The following AP4E1 variants were observed in gnomAD, a reference collection of about 807,000 sequenced individuals.
AP4E1 encodes the protein AP-4 complex subunit epsilon-1.
In AP4E1, 56 loss-of-function variants were observed where a neutral mutation model predicts 128.2. The ratio of observed to expected loss-of-function variants is 0.44; its 90% CI spans 0.35 to 0.55. The LOEUF is 0.55. Ranked by LOEUF, AP4E1 falls within the 20% of genes least tolerant of loss-of-function variation. The pLI is 0.00. For synonymous variants in AP4E1, 484 were observed against 473.1 expected, an observed-to-expected ratio of 1.02 and a Z score of -0.30; for missense variants, 1,324 against 1,307.7, an observed-to-expected ratio of 1.01 and a Z score of -0.19.
intron 15 of AP4E1, among the ~76,000 whole-genome samples, chr15:50,982,177 CA>C (rs1567253999): frequency 6.6e-6 from 1 of 150,824 alleles, no homozygotes; most frequent in East Asian, 2.0e-4. Context: ...TGGGATGATG[CA>C]GCATGAAGGC....
chr15:50,977,432 A>G (rs10744956), intron 15 of AP4E1, among the ~76,000 whole-genome samples: 120,827 of 152,058 alleles, frequency 0.79, 48,091 homozygotes, highest in African/African-American at 0.86. Flanking sequence ...ATGGGATTAA[A>G]CGCTCAAACT....
At chr15:51,002,461 C>T (rs1258148660) in intron 20 of AP4E1, 41 bp from the exon 21 acceptor site, 1 of 1,605,190 alleles carries the variant, frequency 6.2e-7, no homozygotes, top group South Asian at 1.1e-5. Context: ...CTGTTTAACT[C>T]CTTTTGCATT....
intron 7 of AP4E1, among the ~76,000 whole-genome samples, chr15:50,931,894 A>G (rs565982575): frequency 2.1e-3 from 313 of 151,948 alleles, no homozygotes; most frequent in Admixed American, 3.8e-3. Flanking sequence ...TTTTTAATTC[A>G]TTTATCTGAA....
intron 15 of AP4E1, among the ~76,000 whole-genome samples, chr15:50,978,717 T>G (rs1397824322): frequency 1.3e-5 from 2 of 152,222 alleles, no homozygotes; most frequent in Admixed American, 1.3e-4. Flanking sequence ...ATTCTGCATA[T>G]TCACTGAGTT....
intron 6 of AP4E1, among the ~76,000 whole-genome samples, chr15:50,929,561 T>C (rs1465741558): frequency 1.3e-5 from 2 of 152,152 alleles, no homozygotes; most frequent in South Asian, 2.1e-4. Context: ...ATTGACTCCA[T>C]GTATTAATTC....
At position 50,984,093 on chromosome 15, in the gene AP4E1, A is replaced by G. The variant is rs768367461; in HGVS notation, c.2038A>G (p.Ile680Val). Reference sequence around the variant, plus strand: ...CACTGGACGACAGTCTCCTGCTGGCATTTCTCTTGGTTCAGATGTATCTGG... The same window carrying G: ...CACTGGACGACAGTCTCCTGCTGGCGTTTCTCTTGGTTCAGATGTATCTGG... ...GFTGRQSPAG[I>V]SLGSDVSGNS... The change falls in exon 16 of 21, where the codon ATT becomes GTT. Residue 680 changes from isoleucine (I) to valine (V), a missense_variant. Ile to Val is a conservative substitution (Grantham distance 29). Coordinates refer to ENST00000261842, the MANE Select transcript of AP4E1 (RefSeq NM_007347.5). 17 of 1,613,500 alleles carry G rather than the reference A, an allele frequency of 1.1e-5. No homozygotes were observed. Among genetic ancestry groups the G allele is most frequent in the African/African-American group, 1.3e-5 (1 of 75,008 alleles).
rs764384160 is a variant in AP4E1 at position 50,984,161 on chromosome 15, A to G, written c.2090+16A>G. 10 of 1,612,350 alleles carry G rather than the reference A, an allele frequency of 6.2e-6. No homozygotes were observed. The East Asian group carries it at 8.9e-5, about 14-fold the overall frequency. On this transcript the variant is annotated intron_variant, in intron 16 of 20. Transcript: ENST00000261842. ...GACTGAAAGAGTAAGTTCATTTCTT[A>G]TTAAAATTGAGGTTATGGGAGTGCT...
chr15:50,932,405 G>T (rs933536551), intron 7 of AP4E1, among the ~76,000 whole-genome samples: 2 of 152,200 alleles, frequency 1.3e-5, no homozygotes, highest in East Asian at 1.9e-4. Context: ...CTCATTCTCT[G>T]TGTGTGCATG....
chr15:50,949,998 G>C (rs1409830271), intron 12 of AP4E1, 53 bp from the exon 13 acceptor site: 6 of 1,586,424 alleles, frequency 3.8e-6, no homozygotes, highest in Non-Finnish European at 5.2e-6. Flanking sequence ...TTTTATTACA[G>C]AGTCCTAAGA....
chr15:51,000,175 C>G (rs1381242019), intron 19 of AP4E1, among the ~76,000 whole-genome samples: 1 of 122,616 alleles, frequency 8.2e-6, no homozygotes, highest in African/African-American at 3.1e-5. Context: ...CAGGGTCTTG[C>G]TGTGTCACCC....
chr15:50,940,528 A>G (rs1318342991), intron 8 of AP4E1, among the ~76,000 whole-genome samples: 1 of 152,192 alleles, frequency 6.6e-6, no homozygotes, highest in African/African-American at 2.4e-5. Flanking sequence ...GCTTTTGGAA[A>G]TAGAGAAGGA....
chr15:51,005,509 C>G lies in AP4E1; in HGVS notation c.*2847C>G, dbSNP rs1367081846. ...CTGCAGATGGAAGCTGAGCAGTTAC[C>G]AACTGCTAATGTGCCAAGTATACCA... On this transcript the variant is annotated 3_prime_UTR_variant, in exon 21 of 21. Transcript: ENST00000261842. 6.6e-6 allele frequency: 1 copy of G among 152,584 alleles called. No homozygotes were observed. The highest frequency in any genetic ancestry group is 1.5e-5 in the Non-Finnish European group (1 of 68,020). The allele number at this position is 152,584 out of a possible 1,614,324, so 9.5% of individuals were successfully genotyped here.
intron 15 of AP4E1, among the ~76,000 whole-genome samples, chr15:50,976,362 A>G (rs2064550476): frequency 6.6e-6 from 1 of 152,224 alleles, no homozygotes; most frequent in Non-Finnish European, 1.5e-5. Flanking sequence ...AATAAAACTA[A>G]GAATAGAAGG....
At chr15:51,001,607 A>G (rs2064963531) in intron 20 of AP4E1, among the ~76,000 whole-genome samples, 1 of 152,200 alleles carries the variant, frequency 6.6e-6, no homozygotes, top group Non-Finnish European at 1.5e-5. Flanking sequence ...GTGGAATCAT[A>G]CAATACTTGT....
chr15:50,925,197 G>C lies in AP4E1; in HGVS notation c.520G>C (p.Glu174Gln). The change falls in exon 5 of 21, where the codon GAA becomes CAA. Residue 174 changes from glutamate to glutamine, a missense_variant. Glu to Gln is a conservative substitution (Grantham distance 29). Transcript: ENST00000261842. ...EMIPAVLPLI[E>Q]DKLQHSKEIV... ...GATTCCAGCTGTTCTTCCATTAATAGAAGATAAACTTCAACATTCTAAGTA... is the reference window on the plus strand; with the variant it reads ...GATTCCAGCTGTTCTTCCATTAATACAAGATAAACTTCAACATTCTAAGTA... 6.2e-7 allele frequency: 1 copy of C among 1,613,566 alleles called. No individual in the cohort carries two copies. Among genetic ancestry groups the C allele is most frequent in the Non-Finnish European group, 8.5e-7 (1 of 1,179,516 alleles).
At chr15:50,999,007 G>T in intron 18 of AP4E1, 65 bp from the exon 19 acceptor site, 1 of 1,430,666 alleles carries the variant, frequency 7.0e-7, no homozygotes, top group Non-Finnish European at 9.8e-7. Context: ...TAGAAAATTG[G>T]TAGTCATGTA....
At chr15:50,917,165 G>A (rs1008283847) in intron 3 of AP4E1, among the ~76,000 whole-genome samples, 2 of 152,084 alleles carry the variant, frequency 1.3e-5, no homozygotes, top group Non-Finnish European at 2.9e-5. Flanking sequence ...ATCAAAGAAG[G>A]AAAACATCAA....
intron 17 of AP4E1, 89 bp downstream of exon 17, chr15:50,993,714 A>C: frequency 1.3e-6 from 2 of 1,525,548 alleles, no homozygotes; most frequent in South Asian, 2.3e-5. Context: ...GCTGTCGTCT[A>C]TATGTATAGT....
intron 3 of AP4E1, among the ~76,000 whole-genome samples, chr15:50,916,523 G>A (rs1020340074): frequency 1.4e-4 from 21 of 152,256 alleles, no homozygotes; most frequent in South Asian, 2.1e-4. Context: ...GTTAGAACAC[G>A]TTCTTTATTC....
Sources: allele counts gnomAD v4.1 joint callset (sites outside exome capture counted in the v4.1 genomes callset), GRCh38; gene constraint gnomAD v4.1.1; transcripts MANE v1.5; gene names NCBI Gene and HGNC (gene_info 2026-07-23, HGNC 2026-07-21).